EDARADD: variants seen among roughly 807,000 people sequenced by gnomAD.
EDARADD encodes ectodysplasin-A receptor-associated adapter protein.
In EDARADD, 20 loss-of-function variants were observed where a neutral mutation model predicts 25.6. The ratio of observed to expected loss-of-function variants is 0.78; its 90% CI spans 0.55 to 1.14. The LOEUF (loss-of-function observed/expected upper bound fraction) is 1.14. Ranked by LOEUF, EDARADD falls within the 50% of genes most tolerant of loss-of-function variation. The probability of loss-of-function intolerance (pLI) is 0.00; values close to 1 mark genes in which losing one functional copy is unlikely to be tolerated. For missense variants in EDARADD, 225 were observed against 270.1 expected, an observed-to-expected ratio of 0.83 and a Z score of 1.17; for synonymous variants, 86 against 94.4, an observed-to-expected ratio of 0.91 and a Z score of 0.52.
intron 1 of EDARADD, among the ~76,000 whole-genome samples, chr1:236,407,878 A>G (rs887293831): frequency 2.6e-5 from 4 of 152,212 alleles, no homozygotes; most frequent in Non-Finnish European, 4.4e-5. Flanking sequence ...GCATCAAGTG[A>G]TAAAGTATCA....
chr1:236,408,447 G>A (rs1376206350), intron 1 of EDARADD, among the ~76,000 whole-genome samples: 4 of 152,088 alleles, frequency 2.6e-5, no homozygotes, highest in African/African-American at 7.2e-5. Flanking sequence ...CAGGTGATCT[G>A]CCCGGCTTGG....
At chr1:236,368,320 A>G (rs1399538456) in intron 3 of EDARADD, among the ~76,000 whole-genome samples, 1 of 152,074 alleles carries the variant, frequency 6.6e-6, no homozygotes, top group East Asian at 1.9e-4. Flanking sequence ...TCCCGTAGAA[A>G]TCTTTACTTC....
intron 4 of EDARADD, among the ~76,000 whole-genome samples, chr1:236,434,679 A>AG (rs1658194946): frequency 6.6e-6 from 1 of 152,084 alleles, no homozygotes. Context: ...AGAGGATCTG[A>AG]GGGGAGATTC....
chr1:236,377,683 C>A (rs892499557), intron 3 of EDARADD, among the ~76,000 whole-genome samples: 4 of 151,014 alleles, frequency 2.6e-5, no homozygotes, highest in Non-Finnish European at 5.9e-5. Flanking sequence ...CATGGTGAAA[C>A]CCCGTCTCTA....
chr1:236,363,311 G>C (rs897396578), intron 3 of EDARADD, among the ~76,000 whole-genome samples: 1 of 151,828 alleles, frequency 6.6e-6, no homozygotes, highest in Middle Eastern at 3.2e-3. Flanking sequence ...CCAATGTAGG[G>C]GGTGAGGCCT....
chr1:236,361,379 G>C (rs756641909), intron 3 of EDARADD, among the ~76,000 whole-genome samples: 1 of 151,420 alleles, frequency 6.6e-6, no homozygotes, highest in Non-Finnish European at 1.5e-5. Flanking sequence ...GCAGTGGCGC[G>C]ATCTCGGCTC....
At chr1:236,390,293 T>C (rs891857590), upstream of EDARADD, among the ~76,000 whole-genome samples, 14 of 152,120 alleles carry the variant, frequency 9.2e-5, no homozygotes, top group Admixed American at 1.3e-4. Context: ...TGGTGGCTCA[T>C]GCCTGTAATC....
intron 4 of EDARADD, among the ~76,000 whole-genome samples, chr1:236,428,130 T>G (rs1657977842): frequency 6.6e-6 from 1 of 152,014 alleles, no homozygotes; most frequent in South Asian, 2.1e-4. Context: ...CCTTCTGCAG[T>G]GTTTGTGTCC....
At chr1:236,466,064 A>G (rs1218922110) in intron 4 of EDARADD, among the ~76,000 whole-genome samples, 2 of 152,352 alleles carry the variant, frequency 1.3e-5, no homozygotes, top group Admixed American at 6.5e-5. Flanking sequence ...ATGTTTTAGC[A>G]GGAACCTCAA....
chr1:236,429,005 G>T (rs116289111), intron 4 of EDARADD, among the ~76,000 whole-genome samples: 2 of 152,106 alleles, frequency 1.3e-5, no homozygotes, highest in East Asian at 3.9e-4. Context: ...GCGTTGCGAC[G>T]CGCGCCTGCA....
intron 3 of EDARADD, among the ~76,000 whole-genome samples, chr1:236,369,701 G>A (rs1037318814): frequency 3.9e-5 from 6 of 152,124 alleles, no homozygotes; most frequent in Non-Finnish European, 7.4e-5. Context: ...AGCTGGGCAT[G>A]GTGGTGCATG....
At chr1:236,362,211 A>G (rs1372435874) in intron 3 of EDARADD, among the ~76,000 whole-genome samples, 29 of 152,112 alleles carry the variant, frequency 1.9e-4, no homozygotes, top group Non-Finnish European at 1.5e-5. Flanking sequence ...AAGTATTGGG[A>G]TTACTTGTCA....
rs571517442 is a variant in EDARADD, at chr1:236,427,154, T to A, written c.161-238T>A. On this transcript the variant is annotated intron_variant, in intron 3 of 5. Coordinates refer to ENST00000334232, the MANE Select transcript of EDARADD (RefSeq NM_145861.4). ...GCCCCTGTCTCTTATTTTAAAAAAA[T>A]AAATAAAAAATAAGCAGGAATTGTG... 5.6e-3 allele frequency among the ~76,000 whole-genome samples: 859 copies of A among 152,266 alleles called. 8 individuals are homozygous for A. Among genetic ancestry groups the A allele is most frequent in the Non-Finnish European group, 7.4e-3 (500 of 68,016 alleles).
intron 3 of EDARADD, among the ~76,000 whole-genome samples, chr1:236,357,818 CG>C (rs1001055736): frequency 2.0e-5 from 3 of 151,814 alleles, no homozygotes; most frequent in Admixed American, 6.6e-5. Context: ...TGAGATGTGG[CG>C]GGGATGTATA....
chr1:236,458,069 G>A (rs560181808), intron 4 of EDARADD, among the ~76,000 whole-genome samples: 92 of 152,194 alleles, frequency 6.0e-4, no homozygotes, highest in Non-Finnish European at 1.1e-3. Flanking sequence ...GATGGTGTGG[G>A]TGTCAGGGTG....
chr1:236,419,461 A>T (rs1022941299), intron 3 of EDARADD, among the ~76,000 whole-genome samples: 1 of 145,726 alleles, frequency 6.9e-6, no homozygotes, highest in Non-Finnish European at 1.5e-5. Context: ...AAAGCACTTT[A>T]AAGAAATCTG....
At chr1:236,432,351 T>G (rs1658118887) in intron 4 of EDARADD, among the ~76,000 whole-genome samples, 1 of 149,626 alleles carries the variant, frequency 6.7e-6, no homozygotes. Flanking sequence ...ATCGTGCCAC[T>G]GCACTTCAGC....
intron 5 of EDARADD, among the ~76,000 whole-genome samples, chr1:236,478,456 A>G (rs573837673): frequency 1.5e-4 from 23 of 150,302 alleles, no homozygotes; most frequent in East Asian, 9.7e-4. Flanking sequence ...TGATATATAT[A>G]TGTGTGTGTG....
intron 4 of EDARADD, among the ~76,000 whole-genome samples, chr1:236,462,122 C>T (rs1453733447): frequency 5.3e-5 from 8 of 152,296 alleles, no homozygotes; most frequent in Admixed American, 1.3e-4. Context: ...GATTGGTTAA[C>T]ATCAGGGGAC....
Sources: allele counts gnomAD v4.1 joint callset (sites outside exome capture counted in the v4.1 genomes callset), GRCh38; gene constraint gnomAD v4.1.1; transcripts MANE v1.5; gene names NCBI Gene and HGNC (gene_info 2026-07-23, HGNC 2026-07-21).